DDA1: variants seen among roughly 807,000 people sequenced by gnomAD.
DDA1 encodes DET1 and DDB1 associated 1, also known as DET1- and DDB1-associated protein 1.
In DDA1, 3 loss-of-function variants were observed where a neutral mutation model predicts 18.6. That is an observed-to-expected ratio of 0.16 (90% CI 0.07 to 0.42). DDA1 has a LOEUF of 0.42. Among genes scored for constraint, DDA1 ranks in the 10% least tolerant of loss-of-function variants. The pLI is 0.99. For missense variants in DDA1, 105 were observed against 138.2 expected (o/e 0.76, Z 1.20); for synonymous variants, 52 against 54.0 (o/e 0.96, Z 0.17).
rs145282677 is a variant in DDA1, at chr19:17,318,293, G to A, written c.199-1253G>A. On this transcript the variant is annotated intron_variant, in intron 4 of 4. Transcript: ENST00000359866. The stretch of plus-strand genomic sequence containing the variant: ...GTTGCCCAGACTGGCGTGCAGTGGC[G>A]CGATCTTGGCTCACTGTAATCTCCG... 6.8e-3 allele frequency among the ~76,000 whole-genome samples: 1,029 copies of A among 152,144 alleles called. 13 individuals are homozygous for A. Among genetic ancestry groups the A allele is most frequent in the African/African-American group, 0.023 (961 of 41,510 alleles).
rs1020526568 is a variant in DDA1, at chr19:17,314,007, C to A, written c.4-16C>A. ...CCTTGCCTGTTTTCTCATGTACCAT[C>A]TTCCATGTCTTCTAGGCAGATTTTT... On this transcript the variant is annotated splice_polypyrimidine_tract_variant and intron_variant, in intron 1 of 4. Transcript: ENST00000359866. This position sits in a 1 kb window ranked among gnomAD's most constrained non-coding sequence, Gnocchi z 4.6. 6.2e-6 allele frequency: 10 copies of A among 1,611,422 alleles called. No homozygotes were observed. The highest frequency in any genetic ancestry group is 1.1e-5 in the South Asian group (1 of 91,022).
intron 1 of DDA1, 148 bp downstream of exon 1, chr19:17,309,805 C>A: frequency 9.6e-7 from 1 of 1,041,854 alleles, no homozygotes; most frequent in Non-Finnish European, 1.4e-6. Context: ...CTGTGACCTT[C>A]GACCCCCGGA....
Position 17,314,272 on chromosome 19 carries a change from T to C in DDA1, c.85-66T>C. On this transcript the variant is annotated intron_variant, in intron 2 of 4. Transcript: ENST00000359866. The surrounding 1 kb of genome is among the most constrained non-coding windows in gnomAD (Gnocchi z 4.6). ...TCTGCACTGAAGGGTGGGTGCTGAG[T>C]GGAGGGATGAGGAGACCCCAGGCCC... 6.2e-7 allele frequency: 1 copy of C among 1,601,744 alleles called. No individual in the cohort carries two copies. Among genetic ancestry groups the C allele is most frequent in the South Asian group, 1.1e-5 (1 of 90,734 alleles).
At position 17,314,534 on chromosome 19, in the gene DDA1, T is replaced by A; in HGVS notation, c.136+145T>A. On this transcript the variant is annotated intron_variant, in intron 3 of 4. Transcript: ENST00000359866. The surrounding 1 kb of genome is among the most constrained non-coding windows in gnomAD (Gnocchi z 4.6). ...TCACACGCTGTCTACTGAATCCAGT[T>A]AAGTCAGGGAGGGCCTCCAGGGAGG... is the stretch of plus-strand genomic sequence containing the variant. The A allele has an allele frequency of 8.9e-7, 1 of 1,129,374 alleles. No homozygotes were observed. The highest frequency in any genetic ancestry group is 1.3e-6 in the Non-Finnish European group (1 of 781,980). 70.0% of individuals were successfully genotyped at this position (1,129,374 alleles called of 1,614,324 possible).
At chr19:17,315,429 CATATATATATAT>C (rs56662339) in intron 3 of DDA1, among the ~76,000 whole-genome samples, 3 of 52,040 alleles carry the variant, frequency 5.8e-5, no homozygotes, top group Non-Finnish European at 8.4e-5. Context: ...TGTGTGTGTG[CATATATATATAT>C]ATATATATAT....
chr19:17,316,089 T>A, intron 4 of DDA1, 94 bp downstream of exon 4: 2 of 1,419,974 alleles, frequency 1.4e-6, no homozygotes, highest in Non-Finnish European at 2.0e-6. Context: ...CTCTAGTGAT[T>A]GGAGCAGGGC....
chr19:17,318,014 CCCCTTTTTTT>C (rs2074222003), intron 4 of DDA1, among the ~76,000 whole-genome samples: 1 of 151,904 alleles, frequency 6.6e-6, no homozygotes, highest in African/African-American at 2.4e-5. Context: ...CCCCTCTTTT[CCCCTTTTTTT>C]CCCCCTTTTT....
rs1487856104 is a variant in DDA1 at position 17,322,758 on chromosome 19, C to G, written c.*3102C>G. The G allele has an allele frequency of 6.6e-6, 1 of 152,294 alleles. No homozygotes were observed. Among genetic ancestry groups the G allele is most frequent in the Admixed American group, 6.5e-5 (1 of 15,288 alleles). 9.4% of individuals were successfully genotyped at this position (152,294 alleles called of 1,614,324 possible). A position where few individuals can be genotyped will look rare whatever the true frequency, so the allele number is the denominator to read the frequency against. On this transcript the variant is annotated 3_prime_UTR_variant, in exon 5 of 5. Transcript: ENST00000359866. ...TGGGGACACCCAAATGTGCCATTCT[C>G]TCAGTATCACAAGTCGGGGACTGCA...
At chr19:17,317,753 C>T (rs376440219) in intron 4 of DDA1, among the ~76,000 whole-genome samples, 5 of 148,820 alleles carry the variant, frequency 3.4e-5, no homozygotes, top group South Asian at 2.1e-4. Context: ...GTGGGAGGAT[C>T]GCTTGAGCCC....
chr19:17,312,421 G>A (rs1040644041), intron 1 of DDA1, among the ~76,000 whole-genome samples: 2 of 152,138 alleles, frequency 1.3e-5, no homozygotes, highest in Non-Finnish European at 2.9e-5. Context: ...CTGGTGGGGA[G>A]GTTAGCAGGT....
At chr19:17,318,669 C>CT (rs953541691) in intron 4 of DDA1, among the ~76,000 whole-genome samples, 320 of 141,212 alleles carry the variant, frequency 2.3e-3, no homozygotes, top group African/African-American at 6.5e-3. Flanking sequence ...GCCTGGCCTT[C>CT]TTTTTTTTTT....
At chr19:17,313,838 G>C (rs888830224) in intron 1 of DDA1, among the ~76,000 whole-genome samples, 185 bp from the exon 2 acceptor site, 2 of 152,172 alleles carry the variant, frequency 1.3e-5, no homozygotes, top group Admixed American at 6.5e-5. Flanking sequence ...TGTGCACATA[G>C]CCTGGCCTGG....
intron 4 of DDA1, among the ~76,000 whole-genome samples, chr19:17,317,836 C>G (rs913868335): frequency 1.3e-5 from 2 of 152,100 alleles, no homozygotes; most frequent in South Asian, 4.1e-4. Context: ...CAGACTCTGT[C>G]TCTAGAAAAT....
rs2074246246 is a variant in DDA1, at chr19:17,322,818, T to C, written c.*3162T>C. 1 of 152,292 alleles carries C rather than the reference T, an allele frequency of 6.6e-6. No homozygotes were observed. Among genetic ancestry groups the C allele is most frequent in the Non-Finnish European group, 1.5e-5 (1 of 68,080 alleles). 9.4% of individuals were successfully genotyped at this position (152,292 alleles called of 1,614,324 possible). ...GGTGCCAGGTGCCTTCTGATGTTCA[T>C]GCCACAAGCTCTTCCCACTGTCTCT... On this transcript the variant is annotated 3_prime_UTR_variant, in exon 5 of 5. Coordinates refer to ENST00000359866, the MANE Select transcript of DDA1 (RefSeq NM_024050.6).
In DDA1 at chr19:17,314,385, A is replaced by G. The variant is rs2074192826; in HGVS notation, c.132A>G (p.Glu44=). Residue 44 remains glutamate (E), a synonymous_variant, in exon 3 of 5, where the codon GAA becomes GAG. Transcript: ENST00000359866. This position sits in a 1 kb window ranked among gnomAD's most constrained non-coding sequence, Gnocchi z 4.6. Reference sequence around the variant, plus strand: ...TGCCTACCCGCGAGTACCCGTCTGAACAGAGTAAGTGGCCGCTGTCAGTCT... The same window carrying G: ...TGCCTACCCGCGAGTACCCGTCTGAGCAGAGTAAGTGGCCGCTGTCAGTCT... ...VYLPTREYPS[E]QIIVTEKTNI... is the part of the protein sequence containing the mutation. The G allele has an allele frequency of 6.2e-7, 1 of 1,614,232 alleles. No homozygotes were observed. Among genetic ancestry groups the G allele is most frequent in the Non-Finnish European group, 8.5e-7 (1 of 1,180,046 alleles).
chr19:17,315,299 C>T, intron 3 of DDA1, among the ~76,000 whole-genome samples: 1 of 40,488 alleles, frequency 2.5e-5, no homozygotes. Context: ...TATATATACA[C>T]ACGTGTATAT....
Position 17,319,539 on chromosome 19 carries a change from C to G in DDA1, c.199-7C>G. 7 of 1,557,894 alleles carry G rather than the reference C, an allele frequency of 4.5e-6. No individual in the cohort carries two copies. Among genetic ancestry groups the G allele is most frequent in the East Asian group, 2.4e-5 (1 of 41,620 alleles). On this transcript the variant is annotated splice_region_variant and splice_polypyrimidine_tract_variant and intron_variant, in intron 4 of 4. Coordinates refer to ENST00000359866, the MANE Select transcript of DDA1 (RefSeq NM_024050.6). ...CTCACAGCCCCTCTCTTTTCCCTGTCCCCCAGAACGCTGCCAAGAAGAGAG... is the reference window on the plus strand; with the variant it reads ...CTCACAGCCCCTCTCTTTTCCCTGTGCCCCAGAACGCTGCCAAGAAGAGAG...
Position 17,323,015 on chromosome 19 carries a change from A to G in DDA1, c.*3359A>G, listed in dbSNP as rs2074247370. 2 of 152,256 alleles carry G rather than the reference A, an allele frequency of 1.3e-5. No individual in the cohort carries two copies. The highest frequency in any genetic ancestry group is 4.8e-5 in the African/African-American group (2 of 41,466). The allele number at this position is 152,256 out of a possible 1,614,324, so 9.4% of individuals were successfully genotyped here. ...CTTCCTTTGTCTAGTGGCTGAAGCC[A>G]GGGCTGAAGTTGGCCTCCAAATCTG... On this transcript the variant is annotated 3_prime_UTR_variant, in exon 5 of 5. Coordinates refer to ENST00000359866, the MANE Select transcript of DDA1 (RefSeq NM_024050.6).
intron 4 of DDA1, among the ~76,000 whole-genome samples, chr19:17,316,334 C>T (rs1011954257): frequency 5.9e-5 from 9 of 152,206 alleles, no homozygotes; most frequent in African/African-American, 1.2e-4. Flanking sequence ...GTAGTCCCAG[C>T]GCTTTGGGAG....
Sources: gnomAD v4.1 joint callset for allele counts (sites outside exome capture counted in the v4.1 genomes callset) on GRCh38, gnomAD v4.1.1 for gene constraint, Gnocchi (gnomAD v3.1) non-coding constraint, MANE v1.5 for transcripts, NCBI Gene and HGNC (gene_info 2026-07-23, HGNC 2026-07-21) for gene names.